ROR1: variants seen among roughly 807,000 people sequenced by gnomAD.
The protein encoded by ROR1 is inactive tyrosine-protein kinase transmembrane receptor ROR1.
In ROR1, 19 loss-of-function variants were observed where a neutral mutation model predicts 78.8. The observed-to-expected ratio is 0.24, with a 90% CI of 0.17 to 0.35. ROR1 has a LOEUF of 0.35. Ranked by LOEUF, ROR1 falls within the 10% of genes least tolerant of loss-of-function variation. The probability of loss-of-function intolerance (pLI) is 1.00; values close to 1 mark genes in which losing one functional copy is unlikely to be tolerated. For missense variants in ROR1, 917 were observed against 1,177.8 expected, an observed-to-expected ratio of 0.78 and a Z score of 3.24; for synonymous variants, 386 against 433.6, an observed-to-expected ratio of 0.89 and a Z score of 1.36.
intron 1 of ROR1, among the ~76,000 whole-genome samples, chr1:64,007,200 G>A (rs768797472): frequency 7.9e-5 from 12 of 152,282 alleles, no homozygotes; most frequent in Middle Eastern, 3.4e-3. Context: ...CTAGAGCACT[G>A]TGCTTAAAGG....
At chr1:63,891,616 T>C (rs1211516426) in intron 1 of ROR1, among the ~76,000 whole-genome samples, 1 of 152,162 alleles carries the variant, frequency 6.6e-6, no homozygotes, top group Admixed American at 6.5e-5. Context: ...TTTGAATCAG[T>C]AGACTGAGTA....
chr1:63,859,758 A>G (rs529833990), intron 1 of ROR1, among the ~76,000 whole-genome samples: 2 of 152,318 alleles, frequency 1.3e-5, no homozygotes, highest in South Asian at 2.1e-4. Flanking sequence ...TAGAAAGTGC[A>G]AAGGCTTCAG....
At chr1:64,071,306 T>A (rs1647002053) in intron 4 of ROR1, among the ~76,000 whole-genome samples, 1 of 152,090 alleles carries the variant, frequency 6.6e-6, no homozygotes, top group Admixed American at 6.5e-5. Flanking sequence ...GACGAGAGTA[T>A]GAGCAGGAGC....
intron 4 of ROR1, among the ~76,000 whole-genome samples, chr1:64,091,901 C>T (rs988096306): frequency 3.9e-5 from 6 of 152,184 alleles, no homozygotes; most frequent in Non-Finnish European, 7.3e-5. Flanking sequence ...GTTGGATGGA[C>T]AGATCAAGGG....
intron 4 of ROR1, among the ~76,000 whole-genome samples, chr1:64,088,481 A>C (rs1647170687): frequency 6.6e-6 from 1 of 151,940 alleles, no homozygotes. Flanking sequence ...CAATTGCAAT[A>C]TAAATCTGAA....
intron 1 of ROR1, among the ~76,000 whole-genome samples, chr1:63,999,804 T>A (rs1219476259): frequency 1.3e-5 from 2 of 152,200 alleles, no homozygotes; most frequent in African/African-American, 4.8e-5. Flanking sequence ...TTTTCTAAAC[T>A]GTCTGCTAAT....
chr1:63,865,138 G>T (rs1645207250), intron 1 of ROR1, among the ~76,000 whole-genome samples: 1 of 152,116 alleles, frequency 6.6e-6, no homozygotes, highest in African/African-American at 2.4e-5. Flanking sequence ...GAAATTGAGT[G>T]CATCTGCAAG....
In ROR1 at chr1:63,906,270, G is replaced by T. The variant is rs77440958; in HGVS notation, c.92-103035G>T. Among the ~76,000 whole-genome samples the T allele has an allele frequency of 3.8e-3, 571 of 151,016 alleles. 4 individuals are homozygous for T. Among genetic ancestry groups the T allele is most frequent in the African/African-American group, 0.013 (522 of 41,462 alleles). ...TGATAACCCGAAGTCCTATGCTTTG[G>T]TATGGATTACAGGAGTGATCTCTCC... On this transcript the variant is annotated intron_variant, in intron 1 of 8. Coordinates refer to ENST00000371079, the MANE Select transcript of ROR1 (RefSeq NM_005012.4).
At chr1:63,835,328 G>A (rs1203680757) in intron 1 of ROR1, among the ~76,000 whole-genome samples, 3 of 152,118 alleles carry the variant, frequency 2.0e-5, no homozygotes, top group African/African-American at 7.2e-5. Context: ...TTCTGGAACT[G>A]GAATCCACAC....
intron 1 of ROR1, among the ~76,000 whole-genome samples, chr1:63,861,351 C>T (rs1457857184): frequency 6.6e-6 from 1 of 152,142 alleles, no homozygotes; most frequent in Non-Finnish European, 1.5e-5. Flanking sequence ...TAAAAATTGG[C>T]AGTAACATTT....
intron 2 of ROR1, among the ~76,000 whole-genome samples, chr1:64,037,906 T>C (rs1245632946): frequency 2.6e-5 from 4 of 151,786 alleles, no homozygotes; most frequent in South Asian, 2.1e-4. Flanking sequence ...CTGCCCTTCC[T>C]CTCCCCTCTG....
intron 1 of ROR1, among the ~76,000 whole-genome samples, chr1:63,781,711 A>G (rs1423798862): frequency 6.6e-6 from 1 of 152,222 alleles, no homozygotes; most frequent in Non-Finnish European, 1.5e-5. Flanking sequence ...CAGACTGTGC[A>G]TAGTGAGCGC....
chr1:64,018,314 T>C (rs144109520), intron 2 of ROR1, among the ~76,000 whole-genome samples: 4 of 152,328 alleles, frequency 2.6e-5, no homozygotes, highest in Non-Finnish European at 5.9e-5. Flanking sequence ...TCTCCACCTT[T>C]GCTTGTTGTG....
chr1:63,870,052 A>G (rs2100357821), intron 1 of ROR1, among the ~76,000 whole-genome samples: 1 of 152,326 alleles, frequency 6.6e-6, no homozygotes, highest in South Asian at 2.1e-4. Flanking sequence ...AACACAAGGA[A>G]AAATGTGTGT....
chr1:63,816,713 G>A (rs570662085), intron 1 of ROR1, among the ~76,000 whole-genome samples: 2 of 152,260 alleles, frequency 1.3e-5, no homozygotes, highest in Non-Finnish European at 2.9e-5. Flanking sequence ...GAGAAGAGAC[G>A]GGCTCAAGTG....
chr1:64,069,017 A>G (rs1316817496), intron 4 of ROR1, among the ~76,000 whole-genome samples: 7 of 152,144 alleles, frequency 4.6e-5, no homozygotes, highest in Non-Finnish European at 8.8e-5. Context: ...TATTTCTTTT[A>G]CCATCTCTGT....
chr1:64,176,850 G>A (rs1055167396), intron 8 of ROR1, among the ~76,000 whole-genome samples: 4 of 152,210 alleles, frequency 2.6e-5, no homozygotes, highest in African/African-American at 9.7e-5. Flanking sequence ...GCAGAACATT[G>A]GAGGAACAAA....
intron 2 of ROR1, among the ~76,000 whole-genome samples, chr1:64,048,130 A>G (rs971599465): frequency 6.6e-6 from 1 of 152,240 alleles, no homozygotes; most frequent in Non-Finnish European, 1.5e-5. Context: ...TACCCGGTTA[A>G]ATAGCTCAGA....
At chr1:64,157,866 A>G (rs1247961808) in intron 7 of ROR1, among the ~76,000 whole-genome samples, 4 of 152,208 alleles carry the variant, frequency 2.6e-5, no homozygotes, top group Admixed American at 6.5e-5. Flanking sequence ...GACTTACTGA[A>G]TGAGTGGAAG....
Sources: allele counts gnomAD v4.1 joint callset (sites outside exome capture counted in the v4.1 genomes callset), GRCh38; gene constraint gnomAD v4.1.1; transcripts MANE v1.5; gene names NCBI Gene and HGNC (gene_info 2026-07-23, HGNC 2026-07-21).